Variants in DLG2 observed in about 807,000 individuals in gnomAD.
The protein encoded by DLG2 is disks large homolog 2.
Under a neutral mutation model 132.5 loss-of-function variants are expected in DLG2, and 45 were observed. The observed-to-expected ratio is 0.34, with a 90% CI of 0.27 to 0.44. The LOEUF (loss-of-function observed/expected upper bound fraction) is 0.44, where lower values mean the gene tolerates loss of function less well. Ranked by LOEUF, DLG2 falls within the 20% of genes least tolerant of loss-of-function variation. DLG2 has a pLI of 1.00. For synonymous variants in DLG2, 424 were observed against 419.6 expected, an observed-to-expected ratio of 1.01 and a Z score of -0.13; for missense variants, 1,045 against 1,196.9, an observed-to-expected ratio of 0.87 and a Z score of 1.87.
At position 83,499,788 on chromosome 11, in the gene DLG2, A is replaced by T. The variant is rs1354378012; in HGVS notation, c.2194-15560T>A. 5.7e-5 allele frequency among the ~76,000 whole-genome samples: 8 copies of T among 140,722 alleles called. No individual in the cohort carries two copies. In the East Asian group the frequency reaches 1.6e-3, roughly 29 times the overall value. 92.3% of individuals were successfully genotyped at this position (140,722 alleles called of 152,430 possible). A position where few individuals can be genotyped will look rare whatever the true frequency, so the allele number is the denominator to read the frequency against. ...TAATAAACTCCCATATATATATATT[A>T]TATATATAATATCATATATATATTT... On this transcript the variant is annotated intron_variant, in intron 21 of 27. Transcript: ENST00000376104.
At chr11:83,660,241 CAATAACATGT>C (rs2073910458) in intron 18 of DLG2, among the ~76,000 whole-genome samples, 2 of 152,178 alleles carry the variant, frequency 1.3e-5, no homozygotes, top group Admixed American at 6.5e-5. Flanking sequence ...TACACAGAAA[CAATAACATGT>C]AATAACATGT....
At chr11:84,925,512 C>G (rs1384353940) in intron 6 of DLG2, among the ~76,000 whole-genome samples, 2 of 152,130 alleles carry the variant, frequency 1.3e-5, no homozygotes, top group Non-Finnish European at 2.9e-5. Flanking sequence ...AGCCAACTTA[C>G]TATTCTCATT....
rs1456269025 is a variant in DLG2, at chr11:83,937,148, G to GA, written c.1341-6666dup. ...TTAGTAGTTACTAAGAATCGTGATG[G>GA]AAAAAAAATTAAGCATGAAATAAAT... On this transcript the variant is annotated intron_variant, in intron 14 of 27. Transcript: ENST00000376104. Among the ~76,000 whole-genome samples, 6 of 151,850 alleles carry GA rather than the reference G, an allele frequency of 4.0e-5. No homozygotes were observed. The East Asian group carries it at 1.2e-3, about 29-fold the overall frequency.
intron 3 of DLG2, among the ~76,000 whole-genome samples, chr11:85,506,875 G>T (rs1482182484): frequency 1.3e-5 from 2 of 152,114 alleles, no homozygotes; most frequent in Non-Finnish European, 2.9e-5. Flanking sequence ...GATCTCTAAG[G>T]ACTTGCTTTA....
chr11:85,617,302 T>G (rs1356125829), intron 2 of DLG2, among the ~76,000 whole-genome samples: 1 of 152,210 alleles, frequency 6.6e-6, no homozygotes, highest in Non-Finnish European at 1.5e-5. Flanking sequence ...AAATAAATAA[T>G]GATCTGAAAC....
chr11:84,844,703 A>G (rs1253412136), intron 6 of DLG2, among the ~76,000 whole-genome samples: 3 of 152,130 alleles, frequency 2.0e-5, no homozygotes, highest in Admixed American at 2.0e-4. Context: ...GAAGCAACCA[A>G]GTAAATTAAG....
At chr11:85,543,357 G>A (rs576281965) in intron 3 of DLG2, among the ~76,000 whole-genome samples, 1 of 152,156 alleles carries the variant, frequency 6.6e-6, no homozygotes, top group Non-Finnish European at 1.5e-5. Flanking sequence ...TGGTGTACAT[G>A]TGCCACATTT....
At chr11:84,610,381 T>C (rs983179925) in intron 6 of DLG2, among the ~76,000 whole-genome samples, 1 of 152,134 alleles carries the variant, frequency 6.6e-6, no homozygotes, top group Non-Finnish European at 1.5e-5. Flanking sequence ...ATACTTCCTA[T>C]GAGTTCCTTA....
At chr11:84,975,592 C>T (rs1178798158) in intron 6 of DLG2, among the ~76,000 whole-genome samples, 4 of 152,084 alleles carry the variant, frequency 2.6e-5, no homozygotes, top group Admixed American at 6.6e-5. Context: ...CCCAAACTGT[C>T]TTATGTGAGG....
At chr11:83,803,933 T>C (rs1421840652) in intron 17 of DLG2, among the ~76,000 whole-genome samples, 1 of 152,134 alleles carries the variant, frequency 6.6e-6, no homozygotes, top group Non-Finnish European at 1.5e-5. Context: ...ACTCATCTGA[T>C]GTTTTTTTCA....
chr11:85,456,240 T>C (rs1196444294), intron 3 of DLG2, among the ~76,000 whole-genome samples: 4 of 152,198 alleles, frequency 2.6e-5, no homozygotes, highest in Non-Finnish European at 5.9e-5. Flanking sequence ...TTAGGTTTTC[T>C]GGTTTGTGTG....
intron 3 of DLG2, among the ~76,000 whole-genome samples, chr11:85,289,941 G>A (rs889933103): frequency 2.6e-5 from 4 of 152,098 alleles, no homozygotes; most frequent in Non-Finnish European, 4.4e-5. Flanking sequence ...TCACCCACCT[G>A]TTTTCAACAT....
rs950305287 is a variant in DLG2 at position 84,877,180 on chromosome 11, T to C, written c.357+234481A>G. Among the ~76,000 whole-genome samples, 8 of 152,248 alleles carry C rather than the reference T, an allele frequency of 5.3e-5. No homozygotes were observed. In the Middle Eastern group the frequency reaches 0.01, roughly 194 times the overall value. On this transcript the variant is annotated intron_variant, in intron 6 of 27. Transcript: ENST00000376104. ...TATTCTGTTGATTTGGGGTGGAGAC[T>C]TCTGTAGATGCCTATTAGGTCTGCT...
intron 7 of DLG2, among the ~76,000 whole-genome samples, chr11:84,443,299 A>T (rs1490341169): frequency 6.6e-6 from 1 of 152,176 alleles, no homozygotes; most frequent in Non-Finnish European, 1.5e-5. Flanking sequence ...ATTTTTTAAG[A>T]AATAAGTTCT....
At chr11:84,715,001 G>A (rs2061046380) in intron 6 of DLG2, among the ~76,000 whole-genome samples, 1 of 151,894 alleles carries the variant, frequency 6.6e-6, no homozygotes, top group Non-Finnish European at 1.5e-5. Flanking sequence ...GTAGAAGAAA[G>A]GTAGGTTGCT....
rs187946910 is a variant in DLG2 at position 84,192,652 on chromosome 11, C to T, written c.574-29141G>A. Among the ~76,000 whole-genome samples, 1,430 of 152,222 alleles carry T rather than the reference C, an allele frequency of 9.4e-3. 13 individuals carry two copies. Among genetic ancestry groups the T allele is most frequent in the African/African-American group, 0.031 (1,303 of 41,536 alleles). On this transcript the variant is annotated intron_variant, in intron 8 of 27. Transcript: ENST00000376104. The stretch of plus-strand genomic sequence containing the variant: ...GGCTGAGGCAGAAGAATCTCTTGAA[C>T]CCAGGAGGTGGAGGTTGCAGTGAGC...
At chr11:83,854,379 G>A (rs2060204315) in intron 16 of DLG2, among the ~76,000 whole-genome samples, 1 of 151,904 alleles carries the variant, frequency 6.6e-6, no homozygotes, top group Non-Finnish European at 1.5e-5. Context: ...TATATGGAGA[G>A]GCAAAAGACC....
At chr11:84,590,331 G>T (rs2099539739) in intron 6 of DLG2, among the ~76,000 whole-genome samples, 1 of 152,184 alleles carries the variant, frequency 6.6e-6, no homozygotes, top group African/African-American at 2.4e-5. Context: ...AGGATATTTA[G>T]CACATTTCTT....
At chr11:85,376,272 C>A (rs1417838595) in intron 3 of DLG2, among the ~76,000 whole-genome samples, 1 of 152,130 alleles carries the variant, frequency 6.6e-6, no homozygotes, top group Non-Finnish European at 1.5e-5. Flanking sequence ...CTTCATTCAG[C>A]AAGCAGTATT....
Sources: gnomAD v4.1 joint callset for allele counts (sites outside exome capture counted in the v4.1 genomes callset) on GRCh38, gnomAD v4.1.1 for gene constraint, MANE v1.5 for transcripts, NCBI Gene and HGNC (gene_info 2026-07-23, HGNC 2026-07-21) for gene names.